SLC12A6: variants seen among roughly 807,000 people sequenced by gnomAD.
The protein encoded by SLC12A6 is solute carrier family 12 member 6.
In SLC12A6, 66 loss-of-function variants were observed where a neutral mutation model predicts 135.3. That is an observed-to-expected ratio of 0.49 (90% CI 0.40 to 0.60). The LOEUF is 0.60. SLC12A6 is among the 20% of genes least tolerant of loss of function. SLC12A6 has a pLI of 0.00. For synonymous variants in SLC12A6, 513 were observed against 508.8 expected (o/e 1.01, Z -0.11); for missense variants, 1,058 against 1,452.3 (o/e 0.73, Z 4.41).
At position 34,232,032 on chromosome 15, in the gene SLC12A6, A is replaced by G. The variant is rs1363557474; in HGVS notation, c.*1849T>C. On this transcript the variant is annotated 3_prime_UTR_variant, in exon 26 of 26. Transcript: ENST00000354181. ...GAGTGGCACTATTTATGACTAATAA[A>G]TTGAAATTCAAAAACAGCCATGAAT... 6.6e-6 allele frequency: 1 copy of G among 152,238 alleles called. No individual in the cohort carries two copies. The highest frequency in any genetic ancestry group is 1.5e-5 in the Non-Finnish European group (1 of 68,042). The allele number at this position is 152,238 out of a possible 1,614,324, so 9.4% of individuals were successfully genotyped here. A position where few individuals can be genotyped will look rare whatever the true frequency, so the allele number is the denominator to read the frequency against.
Position 34,257,593 on chromosome 15 carries a change from G to A in SLC12A6, c.690+49C>T, listed in dbSNP as rs1892839194. The stretch of plus-strand genomic sequence containing the variant: ...AAAGAGGTCATGTGCATCTGCTCTT[G>A]AGAACTTGCAACGTTCAGGTGATCT... On this transcript the variant is annotated intron_variant, in intron 6 of 25. Coordinates refer to ENST00000354181, the MANE Select transcript of SLC12A6 (RefSeq NM_001365088.1). 2.6e-6 allele frequency: 4 copies of A among 1,516,740 alleles called. No individual in the cohort carries two copies. In the Admixed American group the frequency reaches 5.0e-5, roughly 19 times the overall value. 94.0% of individuals were successfully genotyped at this position (1,516,740 alleles called of 1,614,324 possible).
intron 2 of SLC12A6, among the ~76,000 whole-genome samples, chr15:34,290,651 G>C (rs1299043609): frequency 6.6e-6 from 1 of 152,126 alleles, no homozygotes; most frequent in African/African-American, 2.4e-5. Context: ...TTATGAATCT[G>C]GGTGCTCCTG....
chr15:34,310,828 C>A (rs1888201018), intron 2 of SLC12A6, among the ~76,000 whole-genome samples: 1 of 144,170 alleles, frequency 6.9e-6, no homozygotes. Flanking sequence ...GTCCCGTGTC[C>A]AGGCTGGTGT....
Position 34,337,315 on chromosome 15 carries a change from CG to C in SLC12A6, c.-73+16del. On this transcript the variant is annotated intron_variant, in intron 1 of 25. Coordinates refer to ENST00000354181, the MANE Select transcript of SLC12A6 (RefSeq NM_001365088.1). The stretch of plus-strand genomic sequence containing the variant: ...TGGTGGGAAAGGTGCACATGCATAA[CG>C]GGAAAAATAACCCACACTACTGAGA... 6.3e-6 allele frequency: 1 copy of C among 158,214 alleles called. No individual in the cohort carries two copies. The highest frequency in any genetic ancestry group is 1.4e-5 in the Non-Finnish European group (1 of 71,282). 9.8% of individuals were successfully genotyped at this position (158,214 alleles called of 1,614,324 possible).
Position 34,235,179 on chromosome 15 carries a change from A to G in SLC12A6, c.3361+2T>C. Reference sequence around the variant, plus strand: ...TGGAAGCCCCACTCTTGGAAAGGATACAGTTTTCATCACCCTCAGGGTTTC... The same window carrying G: ...TGGAAGCCCCACTCTTGGAAAGGATGCAGTTTTCATCACCCTCAGGGTTTC... On this transcript the variant is annotated splice_donor_variant, in intron 25 of 25. Transcript: ENST00000354181. LOFTEE classifies it high-confidence loss of function. 1 of 1,613,786 alleles carries G rather than the reference A, an allele frequency of 6.2e-7. No individual in the cohort carries two copies. The highest frequency in any genetic ancestry group is 8.5e-7 in the Non-Finnish European group (1 of 1,179,686).
Position 34,238,213 on chromosome 15 carries a change from A to C in SLC12A6, c.2802+19T>G, listed in dbSNP as rs759482787. 6.9e-6 allele frequency: 11 copies of C among 1,591,082 alleles called. No homozygotes were observed. The Admixed American group carries it at 1.8e-4, about 27-fold the overall frequency. Reference sequence around the variant, plus strand: ...AGAAGGGAGAAAGACTTTTGTAAAAAAAAAGTTGTATAAAATACCTTGTGC... The same window carrying C: ...AGAAGGGAGAAAGACTTTTGTAAAACAAAAGTTGTATAAAATACCTTGTGC... On this transcript the variant is annotated intron_variant, in intron 21 of 25. Coordinates refer to ENST00000354181, the MANE Select transcript of SLC12A6 (RefSeq NM_001365088.1).
At chr15:34,248,806 G>T (rs937965206) in intron 13 of SLC12A6, among the ~76,000 whole-genome samples, 1 of 152,128 alleles carries the variant, frequency 6.6e-6, no homozygotes, top group East Asian at 1.9e-4. Context: ...CTCTGTTTGG[G>T]TGAGTATGGG....
At chr15:34,255,117 ATATTCATG>A in intron 8 of SLC12A6, 137 bp downstream of exon 8, 1 of 756,324 alleles carries the variant, frequency 1.3e-6, no homozygotes, top group Non-Finnish European at 2.3e-6. Context: ...TTTCCACCTC[ATATTCATG>A]TAAGAGGCCA....
chr15:34,300,562 T>C (rs1355056340), intron 2 of SLC12A6, among the ~76,000 whole-genome samples: 2 of 152,008 alleles, frequency 1.3e-5, no homozygotes, highest in African/African-American at 2.4e-5. Context: ...TTTGGGAGGC[T>C]GAGGCAAGAG....
At chr15:34,274,609 T>C (rs1894174155) in intron 3 of SLC12A6, among the ~76,000 whole-genome samples, 1 of 152,104 alleles carries the variant, frequency 6.6e-6, no homozygotes. Flanking sequence ...GGTCAGGAGA[T>C]GGAGACCATC....
At chr15:34,250,468 T>A (rs1236925963) in intron 12 of SLC12A6, 113 bp from the exon 13 acceptor site, 16 of 867,412 alleles carry the variant, frequency 1.8e-5, no homozygotes, top group Middle Eastern at 2.2e-4. Context: ...AATACTCCTA[T>A]AAATTCTTTT....
intron 17 of SLC12A6, among the ~76,000 whole-genome samples, chr15:34,241,881 T>A (rs534406049): frequency 6.6e-6 from 1 of 152,366 alleles, no homozygotes; most frequent in East Asian, 1.9e-4. Flanking sequence ...TATTTGGAAA[T>A]GTCCTTTGTT....
At chr15:34,329,734 G>A (rs1889710614) in intron 2 of SLC12A6, among the ~76,000 whole-genome samples, 1 of 152,038 alleles carries the variant, frequency 6.6e-6, no homozygotes, top group Admixed American at 6.5e-5. Context: ...TTTAAAAATT[G>A]GCCAGGCATG....
At position 34,242,240 on chromosome 15, in the gene SLC12A6, A is replaced by G. The variant is rs2140670822; in HGVS notation, c.2043-19T>C. 2 of 1,574,540 alleles carry G rather than the reference A, an allele frequency of 1.3e-6. No individual in the cohort carries two copies. Among genetic ancestry groups the G allele is most frequent in the East Asian group, 4.5e-5 (2 of 44,600 alleles). ...AAGGGCCCTAGAAAATTAAAAACAA[A>G]AAAGTATCTTTTAAAGTAGCTGAAA... On this transcript the variant is annotated intron_variant, in intron 16 of 25. Coordinates refer to ENST00000354181, the MANE Select transcript of SLC12A6 (RefSeq NM_001365088.1).
chr15:34,309,283 G>T (rs1381660079), intron 2 of SLC12A6, among the ~76,000 whole-genome samples: 1 of 152,014 alleles, frequency 6.6e-6, no homozygotes, highest in Non-Finnish European at 1.5e-5. Context: ...TCTAAATTCA[G>T]CCCGAAATTT....
At chr15:34,235,431 ATTTTTT>A (rs371322623) in intron 24 of SLC12A6, 117 bp from the exon 25 acceptor site, 27 of 503,356 alleles carry the variant, frequency 5.4e-5, no homozygotes, top group East Asian at 1.3e-4. Context: ...TGATAAAATG[ATTTTTT>A]TTTTTTTTTT....
intron 2 of SLC12A6, among the ~76,000 whole-genome samples, chr15:34,313,047 CACA>C (rs1460957624): frequency 1.9e-4 from 29 of 152,302 alleles, no homozygotes; most frequent in Admixed American, 1.4e-3. Flanking sequence ...TTCACTGAGA[CACA>C]ACAATACTGA....
At chr15:34,279,180 T>G (rs1185253818) in intron 2 of SLC12A6, among the ~76,000 whole-genome samples, 4 of 151,692 alleles carry the variant, frequency 2.6e-5, no homozygotes, top group Non-Finnish European at 4.4e-5. Context: ...CTGGGCATGG[T>G]GATGCGCCCC....
chr15:34,241,884 C>T (rs1374567247), intron 17 of SLC12A6, among the ~76,000 whole-genome samples: 2 of 152,136 alleles, frequency 1.3e-5, no homozygotes, highest in Admixed American at 1.3e-4. Context: ...TTGGAAATGT[C>T]CTTTGTTATT....
Sources: gnomAD v4.1 joint callset for allele counts (sites outside exome capture counted in the v4.1 genomes callset) on GRCh38, gnomAD v4.1.1 for gene constraint, MANE v1.5 for transcripts, NCBI Gene and HGNC (gene_info 2026-07-23, HGNC 2026-07-21) for gene names.